Variants in KCNU1 observed in about 807,000 individuals in gnomAD.
KCNU1 encodes potassium calcium-activated channel subfamily U member 1.
A neutral mutation model predicts 126.8 loss-of-function variants in KCNU1; 93 were observed. That is an observed-to-expected ratio of 0.73 (90% CI 0.62 to 0.87). The LOEUF is 0.87. Among genes scored for constraint, KCNU1 ranks in the 40% least tolerant of loss-of-function variants. The pLI is 0.00. For synonymous variants in KCNU1, 523 were observed against 494.2 expected, an observed-to-expected ratio of 1.06 and a Z score of -0.77; for missense variants, 1,330 against 1,367.1, an observed-to-expected ratio of 0.97 and a Z score of 0.43.
rs1286897266 is a variant in KCNU1, at chr8:36,884,391, G to A, written c.2009+19870G>A. Among the ~76,000 whole-genome samples the A allele has an allele frequency of 2.6e-5, 4 of 152,106 alleles. No homozygotes were observed. In the East Asian group the frequency reaches 7.7e-4, roughly 29 times the overall value. ...GCAAATGTATTTAATTACTGAAAGG[G>A]GAGTTTTCAGGTTAAATGCGTGGCA... On this transcript the variant is annotated intron_variant, in intron 19 of 26. Coordinates refer to ENST00000399881, the MANE Select transcript of KCNU1 (RefSeq NM_001031836.3).
intron 23 of KCNU1, among the ~76,000 whole-genome samples, chr8:36,919,690 C>G (rs186580333): frequency 6.6e-6 from 1 of 152,164 alleles, no homozygotes; most frequent in African/African-American, 2.4e-5. Flanking sequence ...GTGCCACTAG[C>G]GCAGATTGAA....
At chr8:36,827,489 A>G (rs1043982038) in intron 10 of KCNU1, among the ~76,000 whole-genome samples, 3 of 151,666 alleles carry the variant, frequency 2.0e-5, no homozygotes, top group Non-Finnish European at 4.4e-5. Context: ...ATTGGACTCA[A>G]CTCCCGAGTT....
Position 36,918,878 on chromosome 8 carries a change from C to T in KCNU1, c.2577C>T (p.Val859=). The change falls in exon 23 of 27, where the codon GTC becomes GTT. Residue 859 remains valine (V), a synonymous_variant. Coordinates refer to ENST00000399881, the MANE Select transcript of KCNU1 (RefSeq NM_001031836.3). Reference sequence around the variant, plus strand: ...ATGAGAAATCAAACTGCCGAAAAGTCCCTATCCTTACTGAACTGAGTAAGT... The same window carrying T: ...ATGAGAAATCAAACTGCCGAAAAGTTCCTATCCTTACTGAACTGAGTAAGT... ...GHNEKSNCRK[V]PILTELKNPS... 6.2e-7 allele frequency: 1 copy of T among 1,606,814 alleles called. No homozygotes were observed. Among genetic ancestry groups the T allele is most frequent in the Non-Finnish European group, 8.5e-7 (1 of 1,173,474 alleles).
At chr8:36,911,460 A>C (rs1807872998) in intron 22 of KCNU1, among the ~76,000 whole-genome samples, 1 of 152,208 alleles carries the variant, frequency 6.6e-6, no homozygotes, top group Non-Finnish European at 1.5e-5. Context: ...TTAATGAGGT[A>C]CCACTATAGT....
intron 18 of KCNU1, among the ~76,000 whole-genome samples, chr8:36,863,724 T>G (rs986894229): frequency 5.3e-5 from 8 of 152,114 alleles, no homozygotes; most frequent in Non-Finnish European, 7.4e-5. Flanking sequence ...GAAGAAGTAA[T>G]GGCTCACCTG....
At chr8:36,820,612 C>T (rs565970504) in intron 10 of KCNU1, among the ~76,000 whole-genome samples, 1 of 131,260 alleles carries the variant, frequency 7.6e-6, no homozygotes, top group African/African-American at 3.0e-5. Flanking sequence ...TAAGAAAATT[C>T]AGAAAAAAAA....
Position 36,931,091 on chromosome 8 carries a change from C to T in KCNU1, c.2877C>T (p.Asn959=). The T allele has an allele frequency of 5.6e-6, 9 of 1,611,630 alleles. No homozygotes were observed. The highest frequency in any genetic ancestry group is 7.6e-6 in the Non-Finnish European group (9 of 1,178,708). ...DSCTSLLSGR[N]RCKLGLLSLH... ...GCACGTCGCTCTTGTCTGGAAGAAA[C>T]CGGTGTAAGCTGGGGCTTCTGTCCT... Residue 959 remains asparagine, a synonymous_variant, in exon 25 of 27, where the codon AAC becomes AAT. Transcript: ENST00000399881.
chr8:36,824,041 TGGCCG>T (rs1432844971), intron 10 of KCNU1, among the ~76,000 whole-genome samples: 1 of 152,130 alleles, frequency 6.6e-6, no homozygotes, highest in Non-Finnish European at 1.5e-5. Context: ...ATCACCATGT[TGGCCG>T]GGCTGGTCTT....
At chr8:36,833,742 G>T (rs1256823177) in intron 11 of KCNU1, 83 bp downstream of exon 11, 17 of 774,314 alleles carry the variant, frequency 2.2e-5, no homozygotes, top group Admixed American at 9.2e-5. Context: ...TTTTAAAAAA[G>T]GTATTATTTC....
At chr8:36,861,673 A>G (rs1805735176) in intron 18 of KCNU1, among the ~76,000 whole-genome samples, 1 of 152,204 alleles carries the variant, frequency 6.6e-6, no homozygotes, top group African/African-American at 2.4e-5. Context: ...AATTGCAACA[A>G]TTTAGCTATT....
At chr8:36,807,316 G>A (rs1079678) in intron 5 of KCNU1, 59 bp from the exon 6 acceptor site, 203,460 of 1,140,578 alleles carry the variant, frequency 0.18, 21,560 homozygotes, top group Non-Finnish European at 0.22. Flanking sequence ...TTATAACGTA[G>A]GCTCCCTCTG....
chr8:36,879,388 T>G (rs1045821052), intron 19 of KCNU1, among the ~76,000 whole-genome samples: 3 of 151,942 alleles, frequency 2.0e-5, no homozygotes, highest in African/African-American at 4.8e-5. Flanking sequence ...GGTATAAATC[T>G]AACCTTGAGA....
At chr8:36,886,499 A>C (rs6995333) in intron 19 of KCNU1, among the ~76,000 whole-genome samples, 58,687 of 151,972 alleles carry the variant, frequency 0.39, 11,473 homozygotes, top group Admixed American at 0.44. Flanking sequence ...CCAGAAAAAA[A>C]CAGAAACAGG....
chr8:36,867,258 TG>T (rs1805944242), intron 19 of KCNU1, among the ~76,000 whole-genome samples: 2 of 151,960 alleles, frequency 1.3e-5, no homozygotes, highest in African/African-American at 4.8e-5. Context: ...AGCTTCCTGT[TG>T]GGGGTGGGAT....
intron 19 of KCNU1, among the ~76,000 whole-genome samples, chr8:36,895,470 AC>A (rs1406143074): frequency 6.6e-6 from 1 of 152,106 alleles, no homozygotes; most frequent in African/African-American, 2.4e-5. Context: ...ACACTAAATG[AC>A]TTCAAAACTT....
chr8:36,894,862 TAA>T (rs1433733125), intron 19 of KCNU1, among the ~76,000 whole-genome samples: 3 of 152,130 alleles, frequency 2.0e-5, no homozygotes, highest in Admixed American at 6.6e-5. Context: ...GTAAAATGCA[TAA>T]AGACTATAGT....
chr8:36,892,428 T>C (rs186941242), intron 19 of KCNU1, among the ~76,000 whole-genome samples: 1 of 152,110 alleles, frequency 6.6e-6, no homozygotes, highest in East Asian at 1.9e-4. Context: ...TTATAATGGC[T>C]CTTATAAAAT....
chr8:36,898,961 A>C (rs931565349), intron 19 of KCNU1, among the ~76,000 whole-genome samples: 11 of 152,078 alleles, frequency 7.2e-5, no homozygotes, highest in South Asian at 2.1e-4. Context: ...CATTGTAGAA[A>C]ATTCCAAATG....
chr8:36,829,791 C>A (rs1335622842), intron 10 of KCNU1, among the ~76,000 whole-genome samples: 1 of 151,012 alleles, frequency 6.6e-6, no homozygotes, highest in African/African-American at 2.4e-5. Flanking sequence ...CTTTAGTACC[C>A]CTGAATAATG....
Sources: allele counts gnomAD v4.1 joint callset (sites outside exome capture counted in the v4.1 genomes callset), GRCh38; gene constraint gnomAD v4.1.1; transcripts MANE v1.5; gene names NCBI Gene and HGNC (gene_info 2026-07-23, HGNC 2026-07-21).